The following FKBP3 variants were observed in gnomAD, a reference collection of about 807,000 sequenced individuals.
FKBP3 encodes peptidyl-prolyl cis-trans isomerase FKBP3.
FKBP3 carries 21 observed loss-of-function variants against 30.6 expected under a neutral mutation model. The observed-to-expected ratio is 0.69, with a 90% CI of 0.49 to 0.99. The LOEUF is 0.99. Ranked by LOEUF, FKBP3 falls within the 50% of genes least tolerant of loss-of-function variation. FKBP3 has a pLI of 0.00. For missense variants in FKBP3, 283 were observed against 261.6 expected (o/e 1.08, Z -0.56); for synonymous variants, 82 against 91.3 (o/e 0.90, Z 0.58).
intron 3 of FKBP3, 108 bp downstream of exon 3, chr14:45,129,686 G>A (rs1885173494): frequency 1.7e-6 from 1 of 604,378 alleles, no homozygotes; most frequent in Admixed American, 3.2e-5. Flanking sequence ...CATTGAAAGT[G>A]GTCGTATTCA....
At chr14:45,120,812 C>CTAAT (rs1483606503) in intron 5 of FKBP3, 75 bp downstream of exon 5, 2 of 1,219,538 alleles carry the variant, frequency 1.6e-6, no homozygotes, top group Non-Finnish European at 2.4e-6. Context: ...ATCCCCAAAC[C>CTAAT]TAATTCTTTA....
rs766488256 is a variant in FKBP3 at position 45,129,918 on chromosome 14, G to GT, written c.211-18dup. Reference sequence around the variant, plus strand: ...CTTAAAACGCTGTAAGGAAAATGTTGTAACATCATACCCAGGACAGGCTAA... The same window carrying GT: ...CTTAAAACGCTGTAAGGAAAATGTTGTTAACATCATACCCAGGACAGGCTAA... On this transcript the variant is annotated splice_polypyrimidine_tract_variant and intron_variant, in intron 2 of 6. Coordinates refer to ENST00000396062, the MANE Select transcript of FKBP3 (RefSeq NM_002013.4). 1.6e-5 allele frequency: 25 copies of GT among 1,541,738 alleles called. No individual in the cohort carries two copies. Among genetic ancestry groups the GT allele is most frequent in the Non-Finnish European group, 2.2e-5 (25 of 1,120,014 alleles).
chr14:45,125,176 A>G (rs1885070144), intron 3 of FKBP3, among the ~76,000 whole-genome samples: 1 of 152,238 alleles, frequency 6.6e-6, no homozygotes, highest in African/African-American at 2.4e-5. Context: ...TCAGCCTCCC[A>G]AAGTGTTGGG....
chr14:45,118,040 T>C lies in FKBP3; in HGVS notation c.608A>G (p.Gln203Arg), dbSNP rs763364397. Residue 203 changes from glutamine (Q) to arginine (R), a missense_variant, in exon 6 of 7, where the codon CAG (glutamine) becomes CGG (arginine). Gln to Arg is a conservative substitution (Grantham distance 43). Coordinates refer to ENST00000396062, the MANE Select transcript of FKBP3 (RefSeq NM_002013.4). ...EPEWAYGKKG[Q>R]PDAKIPPNAK... is the part of the protein sequence containing the mutation. ...GAAAAAAGGATACTTGGCATCAGGC[T>C]GTCCTTTCTTTCCGTAAGCCCATTC... 3.8e-6 allele frequency: 6 copies of C among 1,598,890 alleles called. No individual in the cohort carries two copies. The South Asian group carries it at 5.7e-5, about 15-fold the overall frequency.
chr14:45,127,358 G>A (rs925587245), intron 3 of FKBP3, among the ~76,000 whole-genome samples: 7 of 151,324 alleles, frequency 4.6e-5, no homozygotes, highest in African/African-American at 9.7e-5. Context: ...CAGGTGATCC[G>A]CCTGCCTCGG....
At chr14:45,125,589 CAATA>C (rs1457894106) in intron 3 of FKBP3, among the ~76,000 whole-genome samples, 9 of 152,042 alleles carry the variant, frequency 5.9e-5, no homozygotes, top group Admixed American at 2.0e-4. Flanking sequence ...ATATAATAGA[CAATA>C]AATATATTGA....
chr14:45,130,646 G>T, intron 2 of FKBP3, 53 bp downstream of exon 2: 2 of 1,076,470 alleles, frequency 1.9e-6, no homozygotes, highest in Non-Finnish European at 2.7e-6. Flanking sequence ...CATCTTTTTT[G>T]GAAATAAAAT....
intron 3 of FKBP3, among the ~76,000 whole-genome samples, chr14:45,127,680 C>T (rs779584808): frequency 3.9e-5 from 6 of 152,014 alleles, no homozygotes; most frequent in Non-Finnish European, 5.9e-5. Flanking sequence ...CCATACTGAA[C>T]GGGGCAATTC....
At chr14:45,126,982 A>C (rs919077545) in intron 3 of FKBP3, among the ~76,000 whole-genome samples, 1 of 151,564 alleles carries the variant, frequency 6.6e-6, no homozygotes, top group African/African-American at 2.4e-5. Context: ...TGCCCAGCTA[A>C]TTTTTGTATT....
chr14:45,128,788 T>G (rs2139086255), intron 3 of FKBP3, among the ~76,000 whole-genome samples: 2 of 152,348 alleles, frequency 1.3e-5, no homozygotes, highest in Admixed American at 1.3e-4. Context: ...TTTATTTTCT[T>G]AACTCCTTAA....
intron 5 of FKBP3, among the ~76,000 whole-genome samples, chr14:45,119,728 C>G (rs1884940880): frequency 6.8e-6 from 1 of 147,422 alleles, no homozygotes; most frequent in South Asian, 2.2e-4. Context: ...TGCTCTGTTG[C>G]CCAGGCTGGA....
At chr14:45,127,777 G>A (rs1346273766) in intron 3 of FKBP3, among the ~76,000 whole-genome samples, 1 of 152,108 alleles carries the variant, frequency 6.6e-6, no homozygotes, top group African/African-American at 2.4e-5. Flanking sequence ...TACCCATTTT[G>A]TTGCTGACTG....
chr14:45,120,198 G>C (rs1305076744), intron 5 of FKBP3, among the ~76,000 whole-genome samples: 1 of 152,114 alleles, frequency 6.6e-6, no homozygotes, highest in African/African-American at 2.4e-5. Context: ...CAAACAATGG[G>C]CACAATGGGC....
intron 1 of FKBP3, among the ~76,000 whole-genome samples, chr14:45,133,990 CG>C (rs943360749): frequency 6.6e-6 from 1 of 152,228 alleles, no homozygotes. Flanking sequence ...GCCGGCGCCC[CG>C]CTCCCAGGAG....
At chr14:45,130,841 G>A (rs1474961123) in intron 1 of FKBP3, 41 bp from the exon 2 acceptor site, 19 of 1,186,540 alleles carry the variant, frequency 1.6e-5, no homozygotes, top group Non-Finnish European at 2.2e-5. Context: ...AACTTCTCCC[G>A]AGTAAGAAGT....
chr14:45,121,513 C>G lies in FKBP3; in HGVS notation c.426G>C (p.Gly142=). The stretch of plus-strand genomic sequence containing the variant: ...TTTGAATATTAGTATCAAAAACAGT[C>G]CCATCTTGTAGTGTTCCTGTATACC... The part of the protein sequence containing the change: ...HCWYTGTLQD[G]TVFDTNIQTS... The change falls in exon 4 of 7, where the codon GGG becomes GGC. Residue 142 remains glycine, a synonymous_variant. Coordinates refer to ENST00000396062, the MANE Select transcript of FKBP3 (RefSeq NM_002013.4). The G allele has an allele frequency of 6.2e-7, 1 of 1,612,864 alleles. No individual in the cohort carries two copies. Among genetic ancestry groups the G allele is most frequent in the East Asian group, 2.2e-5 (1 of 44,798 alleles).
At chr14:45,120,081 G>A (rs1439651032) in intron 5 of FKBP3, among the ~76,000 whole-genome samples, 2 of 152,098 alleles carry the variant, frequency 1.3e-5, no homozygotes, top group Non-Finnish European at 1.5e-5. Context: ...CCATATCTTA[G>A]GACCTACTGA....
At chr14:45,123,179 TAAA>T (rs35440697) in intron 3 of FKBP3, among the ~76,000 whole-genome samples, 12 of 123,136 alleles carry the variant, frequency 9.7e-5, no homozygotes, top group Admixed American at 1.7e-4. Flanking sequence ...AGGCTCCATC[TAAA>T]AAAAAAAAAA....
intron 6 of FKBP3, among the ~76,000 whole-genome samples, chr14:45,117,824 T>C (rs1884886060): frequency 1.3e-5 from 2 of 152,216 alleles, no homozygotes. Flanking sequence ...ACAAAAATTC[T>C]AGCTGAGGTT....
Sources: gnomAD v4.1 joint callset for allele counts (sites outside exome capture counted in the v4.1 genomes callset) on GRCh38, gnomAD v4.1.1 for gene constraint, MANE v1.5 for transcripts, NCBI Gene and HGNC (gene_info 2026-07-23, HGNC 2026-07-21) for gene names.